The following MITF variants were observed in gnomAD, a reference collection of about 807,000 sequenced individuals.
MITF encodes microphthalmia-associated transcription factor.
A neutral mutation model predicts 60.5 loss-of-function variants in MITF; 17 were observed. The observed-to-expected ratio is 0.28, with a 90% CI of 0.19 to 0.42. The LOEUF is 0.42. Ranked by LOEUF, MITF falls within the 10% of genes least tolerant of loss-of-function variation. The probability of loss-of-function intolerance (pLI) is 1.00; values close to 1 mark genes in which losing one functional copy is unlikely to be tolerated. For synonymous variants in MITF, 260 were observed against 248.5 expected, an observed-to-expected ratio of 1.05 and a Z score of -0.43; for missense variants, 622 against 683.5, an observed-to-expected ratio of 0.91 and a Z score of 1.00.
At chr3:69,782,280 C>T (rs1262654847) in intron 1 of MITF, among the ~76,000 whole-genome samples, 4 of 152,208 alleles carry the variant, frequency 2.6e-5, no homozygotes, top group Non-Finnish European at 5.9e-5. Flanking sequence ...GCTTCATAAG[C>T]TCTTAATTTT....
chr3:69,916,385 A>G (rs1303628809), intron 2 of MITF, among the ~76,000 whole-genome samples: 1 of 152,334 alleles, frequency 6.6e-6, no homozygotes, highest in East Asian at 1.9e-4. Context: ...TTGGGGCTTC[A>G]GAACCCAGAA....
chr3:69,772,291 A>G (rs2062405975), intron 1 of MITF, among the ~76,000 whole-genome samples: 2 of 152,068 alleles, frequency 1.3e-5, no homozygotes, highest in South Asian at 4.1e-4. Context: ...TATATCTGTC[A>G]TTAAGTTATA....
intron 1 of MITF, among the ~76,000 whole-genome samples, chr3:69,779,525 T>C (rs901399180): frequency 6.6e-6 from 1 of 152,084 alleles, no homozygotes; most frequent in African/African-American, 2.4e-5. Flanking sequence ...GCAAAGTACA[T>C]TAGAAGTTTT....
intron 1 of MITF, among the ~76,000 whole-genome samples, chr3:69,864,256 G>A (rs748260679): frequency 6.6e-6 from 1 of 152,230 alleles, no homozygotes; most frequent in East Asian, 1.9e-4. Flanking sequence ...ATAAATAAAC[G>A]TCAGAATCTA....
rs560267303 is a variant in MITF at position 69,910,322 on chromosome 3, A to G, written c.355-27500A>G. Among the ~76,000 whole-genome samples the G allele has an allele frequency of 4.6e-5, 7 of 152,338 alleles. No individual in the cohort carries two copies. In the South Asian group the frequency reaches 1.0e-3, roughly 23 times the overall value. On this transcript the variant is annotated intron_variant, in intron 2 of 9. Coordinates refer to ENST00000352241, the MANE Select transcript of MITF (RefSeq NM_001354604.2). ...CTGGATGCTCAGGCAAAAGTTTGCTATAGGGGTGGGGCCCTCATGGAGAAC... is the reference window on the plus strand; with the variant it reads ...CTGGATGCTCAGGCAAAAGTTTGCTGTAGGGGTGGGGCCCTCATGGAGAAC...
intron 8 of MITF, among the ~76,000 whole-genome samples, chr3:69,958,150 A>G (rs993821212): frequency 7.2e-5 from 11 of 152,246 alleles, no homozygotes; most frequent in Admixed American, 4.6e-4. Flanking sequence ...TGGTTGAAAC[A>G]ATCACTTCTT....
chr3:69,754,459 C>T lies in MITF; in HGVS notation c.104+14758C>T, dbSNP rs992914918. On this transcript the variant is annotated intron_variant, in intron 1 of 9. Coordinates refer to ENST00000352241, the MANE Select transcript of MITF (RefSeq NM_001354604.2). ...TACAGGTGTGAGCCACTGTGCCTGG[C>T]CCCCTGTCACTCTCTCTTGCTCCTG... Among the ~76,000 whole-genome samples, 3 of 152,072 alleles carry T rather than the reference C, an allele frequency of 2.0e-5. 1 individual carries two copies. Among genetic ancestry groups the T allele is most frequent in the Admixed American group, 2.0e-4 (3 of 15,262 alleles).
At chr3:69,939,243 G>A (rs1198852704) in intron 4 of MITF, 62 bp downstream of exon 4, 1 of 1,439,066 alleles carries the variant, frequency 6.9e-7, no homozygotes, top group Non-Finnish European at 9.7e-7. Context: ...TATTTGTGGT[G>A]GATCACACCT....
At chr3:69,799,283 A>G (rs1338476627) in intron 1 of MITF, among the ~76,000 whole-genome samples, 4 of 152,172 alleles carry the variant, frequency 2.6e-5, no homozygotes. Context: ...TCTGTGCAGG[A>G]GGACGAATGG....
chr3:69,749,046 AT>A lies in MITF; in HGVS notation c.104+9351del, dbSNP rs72344407. 7.4e-3 allele frequency among the ~76,000 whole-genome samples: 1,122 copies of A among 152,272 alleles called. 15 individuals are homozygous for A. Among genetic ancestry groups the A allele is most frequent in the African/African-American group, 0.025 (1,044 of 41,554 alleles). Reference sequence around the variant, plus strand: ...CATGTTTTTCAAAAACATACATTTTATTTTTTACAGTTGGAGATTTGAAATT... The same window carrying A: ...CATGTTTTTCAAAAACATACATTTTATTTTTACAGTTGGAGATTTGAAATT... On this transcript the variant is annotated intron_variant, in intron 1 of 9. Coordinates refer to ENST00000352241, the MANE Select transcript of MITF (RefSeq NM_001354604.2).
At chr3:69,783,556 G>A (rs905246058) in intron 1 of MITF, among the ~76,000 whole-genome samples, 1 of 151,244 alleles carries the variant, frequency 6.6e-6, no homozygotes, top group African/African-American at 2.4e-5. Flanking sequence ...ATGCCAAGTT[G>A]GGTTATGTTG....
chr3:69,836,273 GA>G, intron 1 of MITF, among the ~76,000 whole-genome samples: 1 of 152,252 alleles, frequency 6.6e-6, no homozygotes, highest in East Asian at 1.9e-4. Context: ...TTTTCAGGTA[GA>G]TCACTATTAG....
chr3:69,845,431 C>CT (rs1330602821), intron 1 of MITF, among the ~76,000 whole-genome samples: 1 of 119,882 alleles, frequency 8.3e-6, no homozygotes, highest in Non-Finnish European at 2.0e-5. Context: ...TTTCTTTTTT[C>CT]TTTTTTCTTT....
chr3:69,949,773 T>C (rs1375930138), intron 6 of MITF, among the ~76,000 whole-genome samples: 8 of 152,206 alleles, frequency 5.3e-5, no homozygotes. Flanking sequence ...CTTAATGCTT[T>C]AGGGAAGGCA....
intron 2 of MITF, among the ~76,000 whole-genome samples, chr3:69,929,346 G>A (rs141630908): frequency 1.3e-5 from 2 of 152,310 alleles, no homozygotes; most frequent in Non-Finnish European, 2.9e-5. Flanking sequence ...ATGTCCTTAA[G>A]ATAGTTATAG....
chr3:69,800,178 C>T (rs1193302062), intron 1 of MITF, among the ~76,000 whole-genome samples: 1 of 152,174 alleles, frequency 6.6e-6, no homozygotes, highest in Non-Finnish European at 1.5e-5. Flanking sequence ...GCCTACTGGA[C>T]ATTTCATATA....
intron 1 of MITF, among the ~76,000 whole-genome samples, chr3:69,797,873 C>T (rs1325332112): frequency 3.3e-5 from 5 of 152,106 alleles, no homozygotes; most frequent in Admixed American, 1.3e-4. Context: ...TCAGAGATTA[C>T]AATAAAAATA....
At chr3:69,795,227 GATGTATT>G (rs1575725239) in intron 1 of MITF, among the ~76,000 whole-genome samples, 1 of 152,080 alleles carries the variant, frequency 6.6e-6, no homozygotes, top group Admixed American at 6.5e-5. Context: ...TCTCCCAAGC[GATGTATT>G]ATGTTTTCAT....
At chr3:69,819,332 A>T (rs568571728) in intron 1 of MITF, among the ~76,000 whole-genome samples, 25 of 152,334 alleles carry the variant, frequency 1.6e-4, no homozygotes, top group Middle Eastern at 6.8e-3. Context: ...AAATGTCCAG[A>T]TGCAGCACCT....
Sources: gnomAD v4.1 joint callset for allele counts (sites outside exome capture counted in the v4.1 genomes callset) on GRCh38, gnomAD v4.1.1 for gene constraint, MANE v1.5 for transcripts, NCBI Gene and HGNC (gene_info 2026-07-23, HGNC 2026-07-21) for gene names.